The following OPCML variants were observed in gnomAD, a reference collection of about 807,000 sequenced individuals.
OPCML encodes the protein opioid-binding protein/cell adhesion molecule.
In OPCML, 13 loss-of-function variants were observed where a neutral mutation model predicts 37.8. The observed-to-expected ratio is 0.34, with a 90% CI of 0.22 to 0.55. The LOEUF (loss-of-function observed/expected upper bound fraction) is 0.55. Ranked by LOEUF, OPCML falls within the 20% of genes least tolerant of loss-of-function variation. The pLI is 0.91. For missense variants in OPCML, 341 were observed against 435.6 expected, an observed-to-expected ratio of 0.78 and a Z score of 1.93; for synonymous variants, 176 against 168.8, an observed-to-expected ratio of 1.04 and a Z score of -0.33.
intron 2 of OPCML, among the ~76,000 whole-genome samples, chr11:132,759,175 T>C (rs956171747): frequency 6.6e-6 from 1 of 152,156 alleles, no homozygotes; most frequent in South Asian, 2.1e-4. Flanking sequence ...GGGTAAGCTT[T>C]TTGATGTGCT....
chr11:132,873,715 CAAAAA>C (rs34642015), intron 2 of OPCML, among the ~76,000 whole-genome samples: 479 of 111,246 alleles, frequency 4.3e-3, no homozygotes, highest in Non-Finnish European at 5.4e-3. Context: ...CAGTTGGGCA[CAAAAA>C]AAAAAAAAAA....
At chr11:133,453,929 A>C (rs946677701) in intron 1 of OPCML, among the ~76,000 whole-genome samples, 2 of 152,226 alleles carry the variant, frequency 1.3e-5, no homozygotes, top group African/African-American at 4.8e-5. Context: ...AAGGTAGATA[A>C]AAGGAAATGC....
intron 1 of OPCML, among the ~76,000 whole-genome samples, chr11:132,955,916 C>G (rs1182524725): frequency 6.6e-6 from 1 of 152,134 alleles, no homozygotes; most frequent in Non-Finnish European, 1.5e-5. Context: ...GAACCTTTTC[C>G]TATTTCCCTC....
chr11:132,786,828 G>C (rs1436326184), intron 2 of OPCML, among the ~76,000 whole-genome samples: 1 of 152,142 alleles, frequency 6.6e-6, no homozygotes, highest in East Asian at 1.9e-4. Context: ...CCACCACTTA[G>C]AGTTACACAG....
chr11:132,703,223 C>T (rs1376225551), intron 2 of OPCML, among the ~76,000 whole-genome samples: 2 of 152,116 alleles, frequency 1.3e-5, no homozygotes, highest in Non-Finnish European at 2.9e-5. Flanking sequence ...TAGTCTATTG[C>T]TCCTAGGCTA....
intron 1 of OPCML, among the ~76,000 whole-genome samples, chr11:133,128,392 T>C (rs1949551340): frequency 1.3e-5 from 2 of 152,084 alleles, no homozygotes; most frequent in African/African-American, 2.4e-5. Flanking sequence ...ATGTAAAAAG[T>C]AGGAGGGATG....
chr11:132,900,480 G>C (rs1173853836), intron 2 of OPCML, among the ~76,000 whole-genome samples: 3 of 152,100 alleles, frequency 2.0e-5, no homozygotes, highest in Admixed American at 1.3e-4. Context: ...CCACTGATAC[G>C]CATTTCTTCC....
At chr11:133,271,908 T>C (rs1013204415) in intron 1 of OPCML, among the ~76,000 whole-genome samples, 11 of 152,212 alleles carry the variant, frequency 7.2e-5, no homozygotes, top group Admixed American at 2.6e-4. Flanking sequence ...GATAATCACA[T>C]ATAGTCCCTG....
At chr11:132,452,960 T>C (rs1395874116) in intron 4 of OPCML, among the ~76,000 whole-genome samples, 1 of 152,200 alleles carries the variant, frequency 6.6e-6, no homozygotes, top group Non-Finnish European at 1.5e-5. Context: ...ACCTTGCTTA[T>C]AAGTCTCCTC....
chr11:133,465,553 A>G (rs1946956848), intron 1 of OPCML, among the ~76,000 whole-genome samples: 1 of 152,066 alleles, frequency 6.6e-6, no homozygotes, highest in Non-Finnish European at 1.5e-5. Flanking sequence ...ATGACAATAC[A>G]CCTCCTGCCT....
At chr11:132,650,548 T>A (rs1418148284) in intron 3 of OPCML, among the ~76,000 whole-genome samples, 1 of 152,014 alleles carries the variant, frequency 6.6e-6, no homozygotes, top group Non-Finnish European at 1.5e-5. Context: ...TAGAGACCCC[T>A]TCTCAGAATC....
chr11:133,032,746 T>C (rs548915924), intron 1 of OPCML, among the ~76,000 whole-genome samples: 18 of 152,322 alleles, frequency 1.2e-4, no homozygotes, highest in African/African-American at 4.1e-4. Context: ...TTATCACCTG[T>C]GGCAGGATCC....
intron 1 of OPCML, among the ~76,000 whole-genome samples, chr11:133,163,010 G>A (rs748235420): frequency 5.3e-5 from 8 of 152,192 alleles, no homozygotes; most frequent in African/African-American, 9.6e-5. Context: ...AAGGCACGAC[G>A]TCATTACAAA....
chr11:132,559,899 G>A (rs894186880), intron 3 of OPCML, among the ~76,000 whole-genome samples: 5 of 152,172 alleles, frequency 3.3e-5, no homozygotes, highest in African/African-American at 1.2e-4. Flanking sequence ...AGCCATTTAA[G>A]AGGCTTTGAA....
At chr11:133,465,470 T>C (rs1182869389) in intron 1 of OPCML, among the ~76,000 whole-genome samples, 1 of 151,240 alleles carries the variant, frequency 6.6e-6, no homozygotes, top group East Asian at 2.0e-4. Flanking sequence ...AGATGAGTTT[T>C]AGTTCATTTG....
intron 2 of OPCML, among the ~76,000 whole-genome samples, chr11:132,823,495 G>A (rs755074435): frequency 1.3e-5 from 2 of 151,324 alleles, no homozygotes; most frequent in Non-Finnish European, 1.5e-5. Flanking sequence ...TGTGGCCATC[G>A]CCTGTCTTTC....
intron 2 of OPCML, among the ~76,000 whole-genome samples, chr11:132,714,512 C>G (rs1350788686): frequency 1.3e-5 from 2 of 152,146 alleles, no homozygotes; most frequent in African/African-American, 4.8e-5. Flanking sequence ...AGCTGGGGAG[C>G]TATGGCAGAG....
intron 2 of OPCML, among the ~76,000 whole-genome samples, chr11:132,806,244 A>C (rs1009782759): frequency 2.0e-5 from 3 of 152,128 alleles, no homozygotes; most frequent in African/African-American, 7.2e-5. Flanking sequence ...GCCATATGGT[A>C]GACTTAAATC....
intron 4 of OPCML, among the ~76,000 whole-genome samples, chr11:132,462,657 T>C (rs1320670522): frequency 2.0e-5 from 3 of 152,228 alleles, no homozygotes; most frequent in East Asian, 1.9e-4. Context: ...CTCAATTACA[T>C]TGCATAACCT....
Sources: allele counts gnomAD v4.1 joint callset (sites outside exome capture counted in the v4.1 genomes callset), GRCh38; gene constraint gnomAD v4.1.1; transcripts MANE v1.5; gene names NCBI Gene and HGNC (gene_info 2026-07-23, HGNC 2026-07-21).